The following THSD7A variants were observed in gnomAD, a reference collection of about 807,000 sequenced individuals.
THSD7A encodes thrombospondin type-1 domain-containing protein 7A.
Under a neutral mutation model 231.3 loss-of-function variants are expected in THSD7A, and 96 were observed. The ratio of observed to expected loss-of-function variants is 0.41; its 90% CI spans 0.35 to 0.49. The LOEUF (loss-of-function observed/expected upper bound fraction) is 0.49. Among genes scored for constraint, THSD7A ranks in the 20% least tolerant of loss-of-function variants. THSD7A has a pLI of 0.05. For synonymous variants in THSD7A, 940 were observed against 743.3 expected, an observed-to-expected ratio of 1.26 and a Z score of -4.30; for missense variants, 2,290 against 2,070.2, an observed-to-expected ratio of 1.11 and a Z score of -2.06.
chr7:11,559,326 A>C lies in THSD7A; in HGVS notation c.1454-16209T>G, dbSNP rs1789981422. ...GTTAGTGGAAATTTGTTATGGAGGC[A>C]GTAGAAAACTAATACACACAGTTAT... On this transcript the variant is annotated intron_variant, in intron 4 of 27. Transcript: ENST00000423059. Among the ~76,000 whole-genome samples the C allele has an allele frequency of 2.0e-5, 3 of 152,202 alleles. 1 individual carries two copies. The South Asian group carries it at 6.2e-4, about 32-fold the overall frequency.
At chr7:11,495,187 T>G (rs1179508037) in intron 6 of THSD7A, among the ~76,000 whole-genome samples, 1 of 152,062 alleles carries the variant, frequency 6.6e-6, no homozygotes, top group Non-Finnish European at 1.5e-5. Context: ...TTACAAATCA[T>G]TGCTCATTGA....
intron 1 of THSD7A, among the ~76,000 whole-genome samples, chr7:11,806,911 C>T (rs1583306386): frequency 6.6e-6 from 1 of 152,026 alleles, no homozygotes; most frequent in African/African-American, 2.4e-5. Flanking sequence ...TAACCTCAGA[C>T]CTCAAGTATA....
chr7:11,396,967 C>A (rs34842876), intron 23 of THSD7A, among the ~76,000 whole-genome samples: 1 of 151,968 alleles, frequency 6.6e-6, no homozygotes, highest in Admixed American at 6.6e-5. Context: ...GGATGCAAGG[C>A]GGGTTCAACA....
In THSD7A at chr7:11,417,490, C is replaced by G. The variant is rs769207168; in HGVS notation, c.3497G>C (p.Cys1166Ser). 5 of 1,612,314 alleles carry G rather than the reference C, an allele frequency of 3.1e-6. No individual in the cohort carries two copies. The highest frequency in any genetic ancestry group is 4.2e-6 in the Non-Finnish European group (5 of 1,179,370). The stretch of plus-strand genomic sequence containing the variant: ...CCATGGACCCCATTCAGATATCACA[C>G]AGTCCTCAGGGCATGGTAATTTGCA... ...RVCKLPCPEDCVISEWGPWTQ... is the reference protein window; with the variant it reads ...RVCKLPCPEDSVISEWGPWTQ... The change falls in exon 17 of 28, where the codon TGT (cysteine) becomes TCT (serine). Residue 1166 changes from cysteine (C) to serine (S), a missense_variant. Transcript: ENST00000423059.
At chr7:11,530,644 G>A (rs1174907181) in intron 6 of THSD7A, among the ~76,000 whole-genome samples, 2 of 152,096 alleles carry the variant, frequency 1.3e-5, no homozygotes, top group African/African-American at 4.8e-5. Flanking sequence ...CTGGTAAAAC[G>A]GACAAGACAG....
intron 23 of THSD7A, among the ~76,000 whole-genome samples, chr7:11,396,836 A>G (rs1163468636): frequency 6.6e-6 from 1 of 152,188 alleles, no homozygotes; most frequent in Non-Finnish European, 1.5e-5. Context: ...AAGAGAAACA[A>G]ATTTCAGGCC....
chr7:11,649,023 T>A (rs548908368), intron 1 of THSD7A, among the ~76,000 whole-genome samples: 1 of 152,192 alleles, frequency 6.6e-6, no homozygotes, highest in East Asian at 1.9e-4. Flanking sequence ...TGCTCTCTGA[T>A]ATTGCATGGA....
chr7:11,426,552 T>C, intron 15 of THSD7A, 114 bp downstream of exon 15: 1 of 1,164,684 alleles, frequency 8.6e-7, no homozygotes, highest in African/African-American at 1.6e-5. Context: ...AATATGACAT[T>C]TTCTCCCTGT....
intron 1 of THSD7A, among the ~76,000 whole-genome samples, chr7:11,799,097 A>G (rs1455512946): frequency 6.6e-6 from 1 of 151,984 alleles, no homozygotes; most frequent in African/African-American, 2.4e-5. Context: ...TAATTTTTGT[A>G]TTTTTGGTAG....
chr7:11,593,890 G>A (rs996512628), intron 2 of THSD7A, among the ~76,000 whole-genome samples: 5 of 152,128 alleles, frequency 3.3e-5, no homozygotes, highest in Non-Finnish European at 7.4e-5. Context: ...AAATATGCCT[G>A]CGTAAGTGTG....
At chr7:11,659,398 G>C (rs559285804) in intron 1 of THSD7A, among the ~76,000 whole-genome samples, 1 of 151,600 alleles carries the variant, frequency 6.6e-6, no homozygotes, top group East Asian at 1.9e-4. Context: ...AGGAAATCTT[G>C]TTAGCATGAC....
intron 1 of THSD7A, among the ~76,000 whole-genome samples, chr7:11,689,744 G>A (rs1780174042): frequency 6.6e-6 from 1 of 150,622 alleles, no homozygotes; most frequent in Non-Finnish European, 1.5e-5. Context: ...AGTAAATGGG[G>A]TGAATATAGC....
At chr7:11,430,604 T>A (rs1033163440) in intron 13 of THSD7A, among the ~76,000 whole-genome samples, 2 of 152,002 alleles carry the variant, frequency 1.3e-5, no homozygotes, top group African/African-American at 4.8e-5. Context: ...GAGCTGGGAC[T>A]AAGGGTGCCC....
At chr7:11,718,636 T>C (rs1165247454) in intron 1 of THSD7A, among the ~76,000 whole-genome samples, 1 of 151,684 alleles carries the variant, frequency 6.6e-6, no homozygotes, top group Non-Finnish European at 1.5e-5. Context: ...TAGGTCCTGA[T>C]ATAGAATTCC....
intron 11 of THSD7A, among the ~76,000 whole-genome samples, chr7:11,451,774 T>C (rs1362340674): frequency 1.3e-5 from 2 of 152,038 alleles, no homozygotes; most frequent in African/African-American, 4.8e-5. Flanking sequence ...AGGCTACTGA[T>C]GCAGCTCTGA....
chr7:11,683,647 C>T (rs538785631), intron 1 of THSD7A, among the ~76,000 whole-genome samples: 106 of 152,004 alleles, frequency 7.0e-4, no homozygotes, highest in Non-Finnish European at 1.2e-3. Flanking sequence ...TTCCTGGATA[C>T]AAACAGCCTC....
chr7:11,594,435 T>A (rs1193732374), intron 2 of THSD7A, among the ~76,000 whole-genome samples: 1 of 152,122 alleles, frequency 6.6e-6, no homozygotes, highest in Non-Finnish European at 1.5e-5. Flanking sequence ...TGCTTAATAT[T>A]AGACCCCAAA....
intron 23 of THSD7A, among the ~76,000 whole-genome samples, chr7:11,391,229 A>ATAGATAGGAGTTTTATCTAT: frequency 6.6e-6 from 1 of 152,148 alleles, no homozygotes; most frequent in South Asian, 2.1e-4. Flanking sequence ...TCCCAGGGAG[A>ATAGATAGGAGTTTTATCTAT]TAGATAGGAG....
At position 11,500,696 on chromosome 7, in the gene THSD7A, T is replaced by A. The variant is rs185338661; in HGVS notation, c.1823-18714A>T. Among the ~76,000 whole-genome samples, 386 of 151,936 alleles carry A rather than the reference T, an allele frequency of 2.5e-3. 5 individuals are homozygous for A. The highest frequency in any genetic ancestry group is 9.0e-3 in the African/African-American group (374 of 41,442). ...GGCTCACATCTGTAATCCCAGCACT[T>A]TAGGGGGCCAAGGCGGGTGGATCAC... On this transcript the variant is annotated intron_variant, in intron 6 of 27. Transcript: ENST00000423059.
Sources: gnomAD v4.1 joint callset for allele counts (sites outside exome capture counted in the v4.1 genomes callset) on GRCh38, gnomAD v4.1.1 for gene constraint, MANE v1.5 for transcripts, NCBI Gene and HGNC (gene_info 2026-07-23, HGNC 2026-07-21) for gene names.